OPCML: variants seen among roughly 807,000 people sequenced by gnomAD.
OPCML encodes opioid-binding protein/cell adhesion molecule.
Under a neutral mutation model 37.8 loss-of-function variants are expected in OPCML, and 13 were observed. That is an observed-to-expected ratio of 0.34 (90% confidence interval 0.22 to 0.55). OPCML has a LOEUF of 0.55. OPCML is among the 20% of genes least tolerant of loss of function. The pLI is 0.91. For missense variants in OPCML, 341 were observed against 435.6 expected, an observed-to-expected ratio of 0.78 and a Z score of 1.93; for synonymous variants, 176 against 168.8, an observed-to-expected ratio of 1.04 and a Z score of -0.33.
intron 3 of OPCML, among the ~76,000 whole-genome samples, chr11:132,624,512 G>A (rs1344568868): frequency 1.3e-5 from 2 of 151,998 alleles, no homozygotes; most frequent in Non-Finnish European, 1.5e-5. Flanking sequence ...TCTCTTCCAG[G>A]GGTCCCTTGT....
intron 2 of OPCML, among the ~76,000 whole-genome samples, chr11:132,683,475 C>T (rs1045562221): frequency 5.9e-5 from 9 of 152,180 alleles, no homozygotes; most frequent in African/African-American, 2.2e-4. Context: ...TTTAGAGTCA[C>T]AAAACCTAAT....
intron 1 of OPCML, among the ~76,000 whole-genome samples, chr11:133,341,921 G>GAA (rs140775649): frequency 1.6e-4 from 24 of 147,074 alleles, no homozygotes; most frequent in Admixed American, 2.7e-4. Context: ...CCATTTTGGG[G>GAA]AAAAAAAAAA....
chr11:133,292,129 G>A (rs529691645), intron 1 of OPCML, among the ~76,000 whole-genome samples: 57 of 152,304 alleles, frequency 3.7e-4, no homozygotes, highest in African/African-American at 1.3e-3. Context: ...GGACAGGCTT[G>A]TGTTCTGACA....
chr11:133,379,766 A>G (rs139305576), intron 1 of OPCML, among the ~76,000 whole-genome samples: 12 of 152,330 alleles, frequency 7.9e-5, no homozygotes, highest in Admixed American at 7.8e-4. Flanking sequence ...CCTGCGTATA[A>G]TGGCTATTGT....
At chr11:132,910,364 G>A (rs1944389175) in intron 2 of OPCML, among the ~76,000 whole-genome samples, 1 of 152,264 alleles carries the variant, frequency 6.6e-6, no homozygotes, top group African/African-American at 2.4e-5. Flanking sequence ...CCACAGAGCA[G>A]TGACTTTTCA....
intron 2 of OPCML, among the ~76,000 whole-genome samples, chr11:132,831,798 AC>A (rs983385703): frequency 6.6e-6 from 1 of 151,938 alleles, no homozygotes; most frequent in Non-Finnish European, 1.5e-5. Context: ...AAAGCCCTGT[AC>A]AAACCTTGTG....
At chr11:133,262,811 C>T (rs987870910) in intron 1 of OPCML, among the ~76,000 whole-genome samples, 2 of 151,798 alleles carry the variant, frequency 1.3e-5, no homozygotes, top group East Asian at 2.0e-4. Context: ...CCAGGAAGAG[C>T]GTGCAGGCTT....
At chr11:132,705,719 C>T (rs1484451107) in intron 2 of OPCML, among the ~76,000 whole-genome samples, 1 of 152,202 alleles carries the variant, frequency 6.6e-6, no homozygotes, top group Non-Finnish European at 1.5e-5. Flanking sequence ...AGAGGCACCC[C>T]TAGAAGCAGA....
At chr11:133,433,251 C>CAAAAAAAAAAAAAAAAAAAAAAAA (rs71477795) in intron 1 of OPCML, among the ~76,000 whole-genome samples, 18 of 90,724 alleles carry the variant, frequency 2.0e-4, no homozygotes, top group African/African-American at 7.3e-4. Context: ...GACTCCGTCT[C>CAAAAAAAAAAAAAAAAAAAAAAAA]AAAAAAAAAA....
At chr11:132,896,224 G>A (rs867347467) in intron 2 of OPCML, among the ~76,000 whole-genome samples, 3 of 152,254 alleles carry the variant, frequency 2.0e-5, no homozygotes, top group Middle Eastern at 3.4e-3. Context: ...AGCTACAGTG[G>A]ATTTGTCACT....
intron 1 of OPCML, among the ~76,000 whole-genome samples, chr11:133,159,143 T>A (rs1005176397): frequency 6.6e-6 from 1 of 152,226 alleles, no homozygotes; most frequent in Non-Finnish European, 1.5e-5. Flanking sequence ...GTGAGACTGA[T>A]AAGATGCGGG....
At chr11:133,333,046 C>G (rs561226566) in intron 1 of OPCML, among the ~76,000 whole-genome samples, 63 of 151,224 alleles carry the variant, frequency 4.2e-4, no homozygotes, top group Non-Finnish European at 7.4e-4. Flanking sequence ...AGTAGTAGTA[C>G]TAGTAGTAGT....
chr11:132,508,046 C>A (rs1162902529), intron 4 of OPCML, among the ~76,000 whole-genome samples: 1 of 152,120 alleles, frequency 6.6e-6, no homozygotes, highest in Non-Finnish European at 1.5e-5. Context: ...AAGGAGCTCT[C>A]TGAAACCATC....
At chr11:132,729,677 G>A (rs186672780) in intron 2 of OPCML, among the ~76,000 whole-genome samples, 244 of 152,276 alleles carry the variant, frequency 1.6e-3, no homozygotes, top group Middle Eastern at 3.4e-3. Context: ...TGGTGTTAAC[G>A]CCTTAAGATT....
chr11:133,327,886 A>T (rs921447511), intron 1 of OPCML, among the ~76,000 whole-genome samples: 1 of 152,174 alleles, frequency 6.6e-6, no homozygotes, highest in African/African-American at 2.4e-5. Flanking sequence ...CAAACTGACA[A>T]GGTGCTCGCA....
intron 3 of OPCML, among the ~76,000 whole-genome samples, chr11:132,634,581 G>C (rs1417387343): frequency 6.6e-6 from 1 of 152,186 alleles, no homozygotes; most frequent in Non-Finnish European, 1.5e-5. Context: ...TCTGCACCTT[G>C]GGGATTATGT....
intron 4 of OPCML, among the ~76,000 whole-genome samples, chr11:132,494,664 T>G (rs959574202): frequency 2.6e-5 from 4 of 152,220 alleles, no homozygotes; most frequent in African/African-American, 4.8e-5. Flanking sequence ...TTTCTATGAT[T>G]TTTTAATTTA....
intron 4 of OPCML, among the ~76,000 whole-genome samples, chr11:132,441,184 T>TTTTTTTTTTTTTTTTTTTG: frequency 8.2e-6 from 1 of 122,644 alleles, no homozygotes; most frequent in Admixed American, 8.0e-5. Flanking sequence ...TTTTTTTTTT[T>TTTTTTTTTTTTTTTTTTTG]TGAGACGGAG....
At chr11:132,492,774 AG>A (rs35139744) in intron 4 of OPCML, among the ~76,000 whole-genome samples, 107,517 of 152,020 alleles carry the variant, frequency 0.71, 38,661 homozygotes, top group Middle Eastern at 0.84. Flanking sequence ...CCATGAGGGC[AG>A]GGGACTTTGT....
Sources: allele counts gnomAD v4.1 joint callset (sites outside exome capture counted in the v4.1 genomes callset), GRCh38; gene constraint gnomAD v4.1.1; transcripts MANE v1.5; gene names NCBI Gene and HGNC (gene_info 2026-07-23, HGNC 2026-07-21).